The following BRD10 variants were observed in gnomAD, a reference collection of about 807,000 sequenced individuals.
The protein encoded by BRD10 is uncharacterized bromodomain-containing protein 10.
At chr9:5,983,594 TAAA>T in the BRD10 span, among the ~76,000 whole-genome samples, 1 of 152,044 alleles carries the variant, frequency 6.6e-6, no homozygotes, top group Non-Finnish European at 1.5e-5. Flanking sequence ...CTTTTAGAGA[TAAA>T]AAATTATATT....
At chr9:5,955,232 G>C in the BRD10 span, among the ~76,000 whole-genome samples, 2 of 150,924 alleles carry the variant, frequency 1.3e-5, no homozygotes, top group African/African-American at 4.9e-5. Context: ...ACAAGCTACG[G>C]GGACAACAAG....
chr9:6,007,446 C>T, the BRD10 span: 1 of 1,607,620 alleles, frequency 6.2e-7, no homozygotes, highest in South Asian at 1.1e-5. Flanking sequence ...CTTCCGCCAC[C>T]TCCTCCTCCG....
At chr9:5,904,931 G>A in the BRD10 span, among the ~76,000 whole-genome samples, 4 of 151,892 alleles carry the variant, frequency 2.6e-5, no homozygotes, top group Non-Finnish European at 4.4e-5. Context: ...CCGCTACCAT[G>A]CCTGGCTAAT....
chr9:5,898,494 A>G, the BRD10 span, among the ~76,000 whole-genome samples: 136,731 of 152,188 alleles, frequency 0.9, 61,792 homozygotes, highest in Non-Finnish European at 0.95. Context: ...TTGGGGATTA[A>G]GTTTCCAATA....
the BRD10 span, chr9:5,923,048 G>GC: frequency 1.2e-6 from 2 of 1,613,992 alleles, no homozygotes; most frequent in Non-Finnish European, 1.7e-6. Flanking sequence ...CTCTGGAAAT[G>GC]ATGGCTCTGT....
the BRD10 span, among the ~76,000 whole-genome samples, chr9:5,879,321 G>A: frequency 6.6e-6 from 1 of 151,710 alleles, no homozygotes; most frequent in African/African-American, 2.4e-5. Context: ...AAATTATCCG[G>A]GTGTGATGGT....
At chr9:5,922,951 C>T in the BRD10 span, 2 of 1,613,966 alleles carry the variant, frequency 1.2e-6, no homozygotes, top group Middle Eastern at 1.6e-4. Flanking sequence ...TCACTTTATT[C>T]CCAATATTCT....
At chr9:5,897,589 T>A in the BRD10 span, 2 of 1,614,046 alleles carry the variant, frequency 1.2e-6, no homozygotes, top group African/African-American at 2.7e-5. Flanking sequence ...ACAGTGATCC[T>A]GGGAGTCTTA....
the BRD10 span, among the ~76,000 whole-genome samples, chr9:5,914,509 C>T: frequency 6.7e-5 from 10 of 148,544 alleles, no homozygotes; most frequent in Admixed American, 4.8e-4. Flanking sequence ...CTGCAAGCTC[C>T]GCCTCCCGGG....
the BRD10 span, among the ~76,000 whole-genome samples, chr9:5,912,936 G>C: frequency 6.6e-6 from 1 of 152,270 alleles, no homozygotes; most frequent in South Asian, 2.1e-4. Flanking sequence ...ACTTTTATTT[G>C]CATGGTGAGC....
chr9:5,911,299 T>C, the BRD10 span, among the ~76,000 whole-genome samples: 1 of 152,152 alleles, frequency 6.6e-6, no homozygotes, highest in Non-Finnish European at 1.5e-5. Flanking sequence ...TTGAAGAGAC[T>C]GTCCTTTTCC....
the BRD10 span, chr9:5,922,025 G>C: frequency 5.0e-6 from 8 of 1,613,990 alleles, no homozygotes; most frequent in Non-Finnish European, 6.8e-6. Context: ...TGTTGATTTT[G>C]GCACCAGAAA....
At chr9:6,002,458 G>C in the BRD10 span, among the ~76,000 whole-genome samples, 2 of 151,914 alleles carry the variant, frequency 1.3e-5, no homozygotes, top group South Asian at 2.1e-4. Context: ...AAGCATTACA[G>C]AATCCAGTGG....
the BRD10 span, among the ~76,000 whole-genome samples, chr9:5,887,260 A>G: frequency 2.8e-4 from 43 of 152,206 alleles, no homozygotes; most frequent in Non-Finnish European, 5.1e-4. Flanking sequence ...CTGTCCCCCA[A>G]CCCACCCACC....
the BRD10 span, among the ~76,000 whole-genome samples, chr9:5,923,638 G>A: frequency 2.6e-5 from 4 of 152,040 alleles, no homozygotes; most frequent in Non-Finnish European, 5.9e-5. Flanking sequence ...AAACAATCAG[G>A]GCTCAGAATT....
the BRD10 span, among the ~76,000 whole-genome samples, chr9:5,985,150 T>C: frequency 3.3e-5 from 5 of 152,300 alleles, no homozygotes; most frequent in South Asian, 2.1e-4. Flanking sequence ...GGTAATTCAG[T>C]GGTGAAAGAA....
the BRD10 span, chr9:5,921,319 T>C: frequency 7.6e-5 from 122 of 1,613,972 alleles, no homozygotes; most frequent in Middle Eastern, 1.2e-3. Context: ...AATTTATTTT[T>C]ATTGGTGTGC....
At chr9:5,905,727 G>A in the BRD10 span, among the ~76,000 whole-genome samples, 2 of 152,140 alleles carry the variant, frequency 1.3e-5, no homozygotes, top group African/African-American at 4.8e-5. Context: ...TGCCTTTTCA[G>A]GCTGACCCAA....
At chr9:5,956,485 G>A in the BRD10 span, among the ~76,000 whole-genome samples, 1 of 152,072 alleles carries the variant, frequency 6.6e-6, no homozygotes, top group South Asian at 2.1e-4. Flanking sequence ...TGAGCAAACT[G>A]CTTTATTTCT....
Sources: allele counts gnomAD v4.1 joint callset (sites outside exome capture counted in the v4.1 genomes callset), GRCh38; gene constraint gnomAD v4.1.1; transcripts MANE v1.5; gene names NCBI Gene and HGNC (gene_info 2026-07-23, HGNC 2026-07-21).